The following PSMA8 variants were observed in gnomAD, a reference collection of about 807,000 sequenced individuals.
PSMA8 encodes proteasome 20S subunit alpha 8, also known as proteasome subunit alpha-type 8.
Under a neutral mutation model 32.4 loss-of-function variants are expected in PSMA8, and 18 were observed. The ratio of observed to expected loss-of-function variants is 0.56; its 90% CI spans 0.38 to 0.82. The LOEUF is 0.82. Among genes scored for constraint, PSMA8 ranks in the 40% least tolerant of loss-of-function variants. PSMA8 has a pLI of 0.00. For missense variants in PSMA8, 298 were observed against 300.7 expected (o/e 0.99, Z 0.07); for synonymous variants, 104 against 98.1 (o/e 1.06, Z -0.36).
intron 6 of PSMA8, among the ~76,000 whole-genome samples, chr18:26,180,578 G>T (rs2055302469): frequency 6.6e-6 from 1 of 152,026 alleles, no homozygotes; most frequent in Admixed American, 6.6e-5. Flanking sequence ...CCAGGTTTTT[G>T]TCACCCCTGC....
intron 3 of PSMA8, among the ~76,000 whole-genome samples, chr18:26,157,888 A>AT (rs944404202): frequency 2.6e-5 from 4 of 152,210 alleles, no homozygotes; most frequent in Non-Finnish European, 5.9e-5. Context: ...CAAGAAAGTG[A>AT]TTTTAAGACT....
intron 4 of PSMA8, among the ~76,000 whole-genome samples, chr18:26,158,634 C>T (rs1316201169): frequency 6.6e-6 from 1 of 152,176 alleles, no homozygotes; most frequent in African/African-American, 2.4e-5. Context: ...TTCATCTTCT[C>T]CATTCTAGGA....
intron 4 of PSMA8, among the ~76,000 whole-genome samples, chr18:26,162,689 C>A (rs1213012451): frequency 5.9e-5 from 9 of 152,108 alleles, no homozygotes. Flanking sequence ...CACGGTGAAA[C>A]CCCATCTCTA....
intron 4 of PSMA8, among the ~76,000 whole-genome samples, chr18:26,164,029 T>G (rs1453964424): frequency 6.6e-6 from 1 of 152,210 alleles, no homozygotes. Context: ...AGTTATCAAT[T>G]TACTCAGTTC....
At chr18:26,172,167 A>AT (rs1417920344) in intron 4 of PSMA8, among the ~76,000 whole-genome samples, 3 of 152,236 alleles carry the variant, frequency 2.0e-5, no homozygotes, top group African/African-American at 4.8e-5. Flanking sequence ...AAGGCACATG[A>AT]TATCTCTCAA....
chr18:26,158,298 A>T (rs2055107585), intron 4 of PSMA8, 54 bp downstream of exon 4: 1 of 1,393,936 alleles, frequency 7.2e-7, no homozygotes, highest in Admixed American at 2.2e-5. Context: ...TATTCAATGT[A>T]AATGCTTTAT....
At chr18:26,144,813 C>T (rs117399454) in intron 2 of PSMA8, 128 bp downstream of exon 2, 195 of 752,952 alleles carry the variant, frequency 2.6e-4, no homozygotes, top group South Asian at 1.0e-3. Context: ...ATATATCCTA[C>T]GTTTTAAAGC....
chr18:26,135,797 C>T (rs1471857809), intron 1 of PSMA8, among the ~76,000 whole-genome samples: 3 of 152,118 alleles, frequency 2.0e-5, no homozygotes, highest in South Asian at 2.1e-4. Flanking sequence ...TTGTAATAAG[C>T]GGTAAAAGGG....
chr18:26,152,567 C>T (rs754254196), intron 3 of PSMA8, among the ~76,000 whole-genome samples: 9 of 152,138 alleles, frequency 5.9e-5, no homozygotes, highest in South Asian at 4.2e-4. Flanking sequence ...TCAAGCAGTC[C>T]GCCCACCTTG....
Position 26,155,232 on chromosome 18 carries a change from C to CA in PSMA8, c.355-2881dup, listed in dbSNP as rs202149601. 1.4e-4 allele frequency among the ~76,000 whole-genome samples: 21 copies of CA among 148,680 alleles called. No homozygotes were observed. The East Asian group carries it at 2.4e-3, about 17-fold the overall frequency. ...CCTGGGCGACAGAGTGAGACTCTGT[C>CA]AAAAAAAAAGAAAAGGCTCATTAAG... is the stretch of plus-strand genomic sequence containing the variant. On this transcript the variant is annotated intron_variant, in intron 3 of 6. Coordinates refer to ENST00000415576, the MANE Select transcript of PSMA8 (RefSeq NM_001025096.2).
Position 26,144,809 on chromosome 18 carries a change from C to T in PSMA8, c.229+124C>T, listed in dbSNP as rs1249629983. ...TGGAGTTGTTCTACAAACAATATAT[C>T]CTACGTTTTAAAGCAAATACTAACT... On this transcript the variant is annotated intron_variant, in intron 2 of 6. Transcript: ENST00000415576. 8.3e-6 allele frequency: 7 copies of T among 838,752 alleles called. No individual in the cohort carries two copies. The African/African-American group carries it at 1.2e-4, about 14-fold the overall frequency. 52.0% of individuals were successfully genotyped at this position (838,752 alleles called of 1,614,324 possible).
intron 2 of PSMA8, among the ~76,000 whole-genome samples, chr18:26,148,459 T>A (rs2144287103): frequency 6.6e-6 from 1 of 152,092 alleles, no homozygotes; most frequent in Non-Finnish European, 1.5e-5. Flanking sequence ...TGACAAAATT[T>A]AACACTCTTT....
intron 1 of PSMA8, among the ~76,000 whole-genome samples, chr18:26,137,598 C>CT (rs916974889): frequency 6.6e-5 from 10 of 151,928 alleles, no homozygotes; most frequent in Non-Finnish European, 1.2e-4. Context: ...TTTGTTTTCT[C>CT]TTTTTTTTAA....
Position 26,178,938 on chromosome 18 carries a change from G to A in PSMA8, c.586G>A (p.Ala196Thr), listed in dbSNP as rs2055286303. ...TGAAGCTATCAAGTTAGCAATAAAA[G>A]CTTTGCTAGAAGTAAGTGATCTAAT... is the stretch of plus-strand genomic sequence containing the variant. ...DSEAIKLAIK[A>T]LLEVVQSGGK... is the part of the protein sequence containing the mutation. Residue 196 changes from alanine (A) to threonine (T), a missense_variant, in exon 5 of 7, where the codon GCT (alanine) becomes ACT (threonine). By Grantham distance (58) the Ala-to-Thr change is moderately conservative. Coordinates refer to ENST00000415576, the MANE Select transcript of PSMA8 (RefSeq NM_001025096.2). 2 of 1,612,896 alleles carry A rather than the reference G, an allele frequency of 1.2e-6. No homozygotes were observed. Among genetic ancestry groups the A allele is most frequent in the East Asian group, 4.5e-5 (2 of 44,820 alleles).
At chr18:26,156,879 C>G (rs1348362325) in intron 3 of PSMA8, among the ~76,000 whole-genome samples, 1 of 151,102 alleles carries the variant, frequency 6.6e-6, no homozygotes, top group East Asian at 1.9e-4. Flanking sequence ...CTCAACCTCC[C>G]AGGCTCAAGT....
At chr18:26,151,806 T>C (rs2055047583) in intron 2 of PSMA8, 52 bp from the exon 3 acceptor site, 1 of 1,537,414 alleles carries the variant, frequency 6.5e-7, no homozygotes, top group Non-Finnish European at 8.8e-7. Flanking sequence ...GAAAAATGTA[T>C]TGTAAAAAAT....
At chr18:26,135,232 C>A (rs1242192760) in intron 1 of PSMA8, among the ~76,000 whole-genome samples, 4 of 152,190 alleles carry the variant, frequency 2.6e-5, no homozygotes, top group Non-Finnish European at 5.9e-5. Flanking sequence ...GACACAAGAT[C>A]TATTACCCCA....
intron 1 of PSMA8, among the ~76,000 whole-genome samples, chr18:26,141,708 T>C (rs2144272368): frequency 6.7e-6 from 1 of 149,246 alleles, no homozygotes; most frequent in Non-Finnish European, 1.5e-5. Flanking sequence ...GTTTCTTTCT[T>C]TTTTCTTTTT....
intron 1 of PSMA8, among the ~76,000 whole-genome samples, chr18:26,141,985 C>A (rs1274312408): frequency 2.0e-5 from 3 of 151,474 alleles, no homozygotes; most frequent in Non-Finnish European, 4.4e-5. Context: ...CATGCTCAGC[C>A]AGGCCTAGTT....
Sources: allele counts gnomAD v4.1 joint callset (sites outside exome capture counted in the v4.1 genomes callset), GRCh38; gene constraint gnomAD v4.1.1; transcripts MANE v1.5; gene names NCBI Gene and HGNC (gene_info 2026-07-23, HGNC 2026-07-21).